FSTL4: variants seen among roughly 807,000 people sequenced by gnomAD.
FSTL4 encodes the protein follistatin-related protein 4.
A neutral mutation model predicts 78.2 loss-of-function variants in FSTL4; 28 were observed. That is an observed-to-expected ratio of 0.36 (90% CI 0.27 to 0.49). FSTL4 has a LOEUF of 0.49. Among genes scored for constraint, FSTL4 ranks in the 20% least tolerant of loss-of-function variants. The pLI is 0.98. For synonymous variants in FSTL4, 422 were observed against 440.5 expected, an observed-to-expected ratio of 0.96 and a Z score of 0.53; for missense variants, 922 against 1,084.9, an observed-to-expected ratio of 0.85 and a Z score of 2.11.
intron 4 of FSTL4, among the ~76,000 whole-genome samples, chr5:133,339,110 C>T (rs986832785): frequency 3.3e-5 from 5 of 152,234 alleles, no homozygotes; most frequent in East Asian, 1.9e-4. Context: ...GGCGACCCTG[C>T]GCCACCTCAG....
chr5:133,300,130 C>T (rs1753500429), intron 6 of FSTL4, among the ~76,000 whole-genome samples: 1 of 152,200 alleles, frequency 6.6e-6, no homozygotes, highest in South Asian at 2.1e-4. Context: ...GCCCTCAAGC[C>T]TCAAGGGTGT....
chr5:133,581,881 C>T (rs1381188155), intron 2 of FSTL4, among the ~76,000 whole-genome samples: 1 of 152,234 alleles, frequency 6.6e-6, no homozygotes, highest in Non-Finnish European at 1.5e-5. Context: ...CCCCAGTGGG[C>T]CTGGCCAGTG....
At chr5:133,267,727 C>A (rs1363008544) in intron 6 of FSTL4, among the ~76,000 whole-genome samples, 1 of 152,136 alleles carries the variant, frequency 6.6e-6, no homozygotes, top group South Asian at 2.1e-4. Flanking sequence ...CATTAACACA[C>A]AGGCAGAAGA....
At chr5:133,330,256 TATA>T (rs1210222623) in intron 4 of FSTL4, among the ~76,000 whole-genome samples, 1 of 152,228 alleles carries the variant, frequency 6.6e-6, no homozygotes, top group Non-Finnish European at 1.5e-5. Context: ...CTTGCATTGC[TATA>T]AAGAAATACC....
chr5:133,570,035 C>T (rs1344199191), intron 2 of FSTL4, among the ~76,000 whole-genome samples: 2 of 151,560 alleles, frequency 1.3e-5, no homozygotes, highest in Non-Finnish European at 2.9e-5. Context: ...CGGTGAAACC[C>T]CATCTCTACT....
chr5:133,497,531 T>C (rs917694199), intron 3 of FSTL4, among the ~76,000 whole-genome samples: 1 of 152,168 alleles, frequency 6.6e-6, no homozygotes, highest in African/African-American at 2.4e-5. Context: ...TCCTGAGGCT[T>C]GTTCCTTATC....
At chr5:133,221,632 C>T (rs1446099878) in intron 11 of FSTL4, among the ~76,000 whole-genome samples, 3 of 152,172 alleles carry the variant, frequency 2.0e-5, no homozygotes, top group African/African-American at 7.2e-5. Context: ...CCACCCGTCT[C>T]TGTGCCAGAG....
intron 14 of FSTL4, among the ~76,000 whole-genome samples, chr5:133,209,266 G>A (rs1212714255): frequency 2.6e-5 from 4 of 152,116 alleles, no homozygotes; most frequent in Admixed American, 2.0e-4. Context: ...CAGAGGTGCA[G>A]GTAGGTGGTC....
chr5:133,519,123 G>C (rs2112896018), intron 3 of FSTL4, among the ~76,000 whole-genome samples: 1 of 152,266 alleles, frequency 6.6e-6, no homozygotes, highest in African/African-American at 2.4e-5. Context: ...CTCCATGCAA[G>C]GAGGGGGTCC....
the FSTL4 span, among the ~76,000 whole-genome samples, chr5:133,634,157 T>C: frequency 6.6e-6 from 1 of 152,148 alleles, no homozygotes; most frequent in African/African-American, 2.4e-5. Context: ...ACTCCCTATT[T>C]GGCCATCTCT....
At chr5:133,688,051 C>T in the FSTL4 span, among the ~76,000 whole-genome samples, 22 of 152,208 alleles carry the variant, frequency 1.4e-4, no homozygotes, top group African/African-American at 5.3e-4. Context: ...TCAGCTTGGC[C>T]GGAACTCAGT....
chr5:133,301,602 C>G (rs1753541973), intron 6 of FSTL4, among the ~76,000 whole-genome samples: 1 of 152,150 alleles, frequency 6.6e-6, no homozygotes, highest in Non-Finnish European at 1.5e-5. Context: ...CTTTGGGGCC[C>G]ATTCCCACCC....
chr5:133,247,947 T>C (rs1352308920), intron 7 of FSTL4: 1 of 152,252 alleles, frequency 6.6e-6, no homozygotes, highest in Non-Finnish European at 1.5e-5. Flanking sequence ...GGACTAACTT[T>C]GGTGGTTCCT....
chr5:133,393,922 G>A (rs993226851), intron 4 of FSTL4, among the ~76,000 whole-genome samples: 3 of 152,364 alleles, frequency 2.0e-5, no homozygotes, highest in South Asian at 4.1e-4. Flanking sequence ...ACTGCCCATG[G>A]CTCCTGAGCC....
At chr5:133,239,353 G>A (rs1057412336) in intron 7 of FSTL4, among the ~76,000 whole-genome samples, 1 of 152,188 alleles carries the variant, frequency 6.6e-6, no homozygotes, top group Non-Finnish European at 1.5e-5. Context: ...CGGGCGCACG[G>A]CACGGGACTG....
At chr5:133,383,799 G>A (rs180885978) in intron 4 of FSTL4, among the ~76,000 whole-genome samples, 1 of 152,140 alleles carries the variant, frequency 6.6e-6, no homozygotes, top group African/African-American at 2.4e-5. Context: ...CTTGCTGGTC[G>A]AGGCGTGCAT....
chr5:133,715,064 C>T, the FSTL4 span, among the ~76,000 whole-genome samples: 1 of 152,226 alleles, frequency 6.6e-6, no homozygotes, highest in Non-Finnish European at 1.5e-5. Context: ...AAATATTCCT[C>T]AGTCATTTAA....
the FSTL4 span, among the ~76,000 whole-genome samples, chr5:133,655,185 T>C: frequency 9.2e-5 from 14 of 152,310 alleles, no homozygotes; most frequent in Non-Finnish European, 1.2e-4. Flanking sequence ...TTCTTCCTTC[T>C]TTTCACCTTC....
chr5:133,839,607 A>G, the FSTL4 span, among the ~76,000 whole-genome samples: 1 of 152,352 alleles, frequency 6.6e-6, no homozygotes, highest in Admixed American at 6.5e-5. Context: ...AACATTGTAC[A>G]GAGCATCCTT....
Sources: allele counts gnomAD v4.1 joint callset (sites outside exome capture counted in the v4.1 genomes callset), GRCh38; gene constraint gnomAD v4.1.1; transcripts MANE v1.5; gene names NCBI Gene and HGNC (gene_info 2026-07-23, HGNC 2026-07-21).